CELF2: variants seen among roughly 807,000 people sequenced by gnomAD.
CELF2 encodes the protein CUG triplet repeat RNA-binding protein 2.
Under a neutral mutation model 62.6 loss-of-function variants are expected in CELF2, and 8 were observed. That is an observed-to-expected ratio of 0.13 (90% CI 0.07 to 0.23). CELF2 has a LOEUF of 0.23. CELF2 is among the 10% of genes least tolerant of loss of function. CELF2 has a pLI of 1.00. For synonymous variants in CELF2, 258 were observed against 250.0 expected (o/e 1.03, Z -0.30); for missense variants, 333 against 671.0 (o/e 0.50, Z 5.56).
chr10:11,280,664 C>T lies in CELF2; in HGVS notation c.841+5544C>T, dbSNP rs905705264. Among the ~76,000 whole-genome samples, 3 of 152,164 alleles carry T rather than the reference C, an allele frequency of 2.0e-5. No individual in the cohort carries two copies. The highest frequency in any genetic ancestry group is 4.4e-5 in the Non-Finnish European group (3 of 68,028). On this transcript the variant is annotated intron_variant, in intron 8 of 12. Transcript: ENST00000633077. This position sits in a 1 kb window ranked among gnomAD's most constrained non-coding sequence, Gnocchi z 7.6. ...AGATGGTCAGTAGCACCTAGAAGAT[C>T]GGTAGGTGCAGGGATGTCCATGGGG...
intron 1 of CELF2, among the ~76,000 whole-genome samples, chr10:11,061,701 A>G (rs1232266621): frequency 6.6e-6 from 1 of 152,218 alleles, no homozygotes; most frequent in East Asian, 1.9e-4. Context: ...TACTCCAAAA[A>G]TCCTTGGGCC....
At chr10:10,720,122 G>C in the CELF2 span, among the ~76,000 whole-genome samples, 2 of 152,332 alleles carry the variant, frequency 1.3e-5, no homozygotes, top group Admixed American at 6.5e-5. Context: ...CTGAGTTGTC[G>C]TCAGAAGCGC....
chr10:11,076,487 C>T (rs2071981401), intron 1 of CELF2, among the ~76,000 whole-genome samples: 1 of 152,182 alleles, frequency 6.6e-6, no homozygotes, highest in African/African-American at 2.4e-5. Flanking sequence ...AGACCCAGAT[C>T]CAGGGCTACT....
At chr10:10,794,295 A>G (rs368996331), upstream of CELF2, among the ~76,000 whole-genome samples, 10 of 152,304 alleles carry the variant, frequency 6.6e-5, no homozygotes, top group South Asian at 2.1e-3. Context: ...TCACCTTCTT[A>G]AGAGGAGAGA....
chr10:11,074,508 AGATT>A (rs2071247238), intron 1 of CELF2, among the ~76,000 whole-genome samples: 1 of 152,222 alleles, frequency 6.6e-6, no homozygotes, highest in Non-Finnish European at 1.5e-5. Flanking sequence ...TTAAAGGGAA[AGATT>A]TCTAGCCCAT....
intron 1 of CELF2, among the ~76,000 whole-genome samples, chr10:11,007,142 T>G (rs1356114622): frequency 1.3e-5 from 2 of 152,238 alleles, no homozygotes; most frequent in African/African-American, 4.8e-5. Flanking sequence ...CAGAATATAT[T>G]AGTACATTTA....
intron 1 of CELF2, among the ~76,000 whole-genome samples, chr10:10,897,200 T>A (rs560354099): frequency 1.3e-5 from 2 of 152,198 alleles, no homozygotes; most frequent in Admixed American, 6.5e-5. Flanking sequence ...TATATCATCA[T>A]GAATAGATTG....
At chr10:10,493,089 C>T in the CELF2 span, among the ~76,000 whole-genome samples, 1 of 152,150 alleles carries the variant, frequency 6.6e-6, no homozygotes, top group African/African-American at 2.4e-5. Context: ...CAAACTGATA[C>T]GGTCACCCTC....
At chr10:10,652,253 A>G in the CELF2 span, among the ~76,000 whole-genome samples, 3 of 128,488 alleles carry the variant, frequency 2.3e-5, no homozygotes, top group African/African-American at 8.6e-5. Flanking sequence ...TGATTGGTGT[A>G]CCTGAAAGTG....
chr10:10,914,652 T>A (rs1179571676), intron 1 of CELF2, among the ~76,000 whole-genome samples: 1 of 152,146 alleles, frequency 6.6e-6, no homozygotes, highest in Non-Finnish European at 1.5e-5. Flanking sequence ...TGGTGTGGTG[T>A]TACTTTGACA....
chr10:10,864,115 A>G (rs1359372886), intron 1 of CELF2, among the ~76,000 whole-genome samples: 1 of 152,154 alleles, frequency 6.6e-6, no homozygotes, highest in African/African-American at 2.4e-5. Context: ...GTCAAAATGC[A>G]CTCAGTGAAT....
At chr10:10,515,203 C>T in the CELF2 span, among the ~76,000 whole-genome samples, 10 of 152,280 alleles carry the variant, frequency 6.6e-5, no homozygotes, top group Admixed American at 4.6e-4. Context: ...GGCACCTGAT[C>T]GCCTTTTATA....
intron 1 of CELF2, among the ~76,000 whole-genome samples, chr10:11,054,915 A>G (rs762114495): frequency 2.0e-5 from 3 of 152,128 alleles, no homozygotes; most frequent in Non-Finnish European, 2.9e-5. Flanking sequence ...GGGTTTCACT[A>G]TGTTGGCCAG....
chr10:10,493,249 G>A, the CELF2 span, among the ~76,000 whole-genome samples: 2 of 152,138 alleles, frequency 1.3e-5, no homozygotes, highest in Non-Finnish European at 2.9e-5. Flanking sequence ...AAACAGAAAA[G>A]TAGAATGGTG....
chr10:11,226,859 G>A (rs560163148), intron 3 of CELF2, among the ~76,000 whole-genome samples: 4 of 152,292 alleles, frequency 2.6e-5, no homozygotes, highest in Admixed American at 1.3e-4. Flanking sequence ...ACTGCTTTGC[G>A]AAAGTGATTA....
the CELF2 span, among the ~76,000 whole-genome samples, chr10:10,699,633 G>A: frequency 9.3e-3 from 1,414 of 152,272 alleles, 8 homozygotes; most frequent in East Asian, 0.019. Flanking sequence ...GAAGCACCTC[G>A]CAGACAGAGG....
At chr10:11,282,235 CAGG>C (rs951123049) in intron 8 of CELF2, among the ~76,000 whole-genome samples, 9 of 152,108 alleles carry the variant, frequency 5.9e-5, no homozygotes, top group Non-Finnish European at 1.3e-4. Context: ...TACCAATGCA[CAGG>C]AGGAGAAGGA....
chr10:11,274,199 G>T (rs752017919), intron 7 of CELF2, among the ~76,000 whole-genome samples: 8 of 152,166 alleles, frequency 5.3e-5, no homozygotes, highest in Admixed American at 6.5e-5. Flanking sequence ...AACTGCATCT[G>T]TACTGGTCTC....
rs2056204589 is a variant in CELF2 at position 11,010,252 on chromosome 10, T to C, written c.53+4812T>C. ...TGAAAAACGATTTGATAAAAACGAA[T>C]GGAGACCCCATTCCAAGCCTCAGGA... On this transcript the variant is annotated intron_variant, in intron 1 of 12. Coordinates refer to the CELF2 transcript ENST00000416382. This position sits in a 1 kb window ranked among gnomAD's most constrained non-coding sequence, Gnocchi z 4.1. 1.3e-5 allele frequency: 2 copies of C among 152,226 alleles called. No homozygotes were observed. The highest frequency in any genetic ancestry group is 2.1e-4 in the South Asian group (1 of 4,830). The allele number at this position is 152,226 out of a possible 1,614,324, so 9.4% of individuals were successfully genotyped here.
Sources: gnomAD v4.1 joint callset for allele counts (sites outside exome capture counted in the v4.1 genomes callset) on GRCh38, gnomAD v4.1.1 for gene constraint, Gnocchi (gnomAD v3.1) non-coding constraint, MANE v1.5 for transcripts, NCBI Gene and HGNC (gene_info 2026-07-23, HGNC 2026-07-21) for gene names.